PPP1R9A: variants seen among roughly 807,000 people sequenced by gnomAD.
The protein encoded by PPP1R9A is protein phosphatase 1 regulatory subunit 9A.
In PPP1R9A, 59 loss-of-function variants were observed where a neutral mutation model predicts 141.9. The ratio of observed to expected loss-of-function variants is 0.42; its 90% confidence interval spans 0.34 to 0.52. The LOEUF (loss-of-function observed/expected upper bound fraction) is 0.52. Among genes scored for constraint, PPP1R9A ranks in the 20% least tolerant of loss-of-function variants. The probability of loss-of-function intolerance (pLI) is 0.10; values close to 1 mark genes in which losing one functional copy is unlikely to be tolerated. For missense variants in PPP1R9A, 1,444 were observed against 1,611.9 expected (o/e 0.90, Z 1.78); for synonymous variants, 500 against 569.7 (o/e 0.88, Z 1.74).
At position 95,146,034 on chromosome 7, in the gene PPP1R9A, C is replaced by T. The variant is rs145017219; in HGVS notation, c.1650-15833C>T. On this transcript the variant is annotated intron_variant, in intron 4 of 19. Coordinates refer to ENST00000433360, the MANE Select transcript of PPP1R9A (RefSeq NM_001166160.2). ...ATACCAAGTAATGGGATTGCTAGGT[C>T]AAATGGCATTTCTAGTTCTAGATCC... Among the ~76,000 whole-genome samples the T allele has an allele frequency of 1.7e-3, 254 of 152,276 alleles. 10 individuals carry two copies. The East Asian group carries it at 0.046, about 27-fold the overall frequency.
At chr7:95,240,295 A>G (rs1797263409) in intron 8 of PPP1R9A, among the ~76,000 whole-genome samples, 1 of 152,038 alleles carries the variant, frequency 6.6e-6, no homozygotes, top group Non-Finnish European at 1.5e-5. Flanking sequence ...CTTTAGCACA[A>G]TTTATTGAAG....
At chr7:95,167,164 A>G (rs536608760) in intron 5 of PPP1R9A, among the ~76,000 whole-genome samples, 7 of 152,270 alleles carry the variant, frequency 4.6e-5, no homozygotes, top group Admixed American at 2.6e-4. Context: ...CACATCTTAC[A>G]TCTTACATGG....
At chr7:95,121,284 A>G (rs1822516846) in intron 4 of PPP1R9A, among the ~76,000 whole-genome samples, 1 of 152,174 alleles carries the variant, frequency 6.6e-6, no homozygotes, top group Non-Finnish European at 1.5e-5. Flanking sequence ...CTCCAAATAT[A>G]TTTATGTAAA....
intron 4 of PPP1R9A, among the ~76,000 whole-genome samples, chr7:95,149,506 G>A (rs894988512): frequency 2.6e-5 from 4 of 151,968 alleles, no homozygotes; most frequent in South Asian, 2.1e-4. Context: ...TCTGAAAATT[G>A]ATAAGCAATT....
At chr7:95,173,128 AG>A (rs1454042913) in intron 5 of PPP1R9A, among the ~76,000 whole-genome samples, 2 of 151,984 alleles carry the variant, frequency 1.3e-5, no homozygotes, top group African/African-American at 2.4e-5. Context: ...TCTAGAAAAC[AG>A]GCAAAAATCT....
chr7:94,944,789 G>T (rs1033909857), intron 2 of PPP1R9A, among the ~76,000 whole-genome samples: 1 of 151,986 alleles, frequency 6.6e-6, no homozygotes, highest in African/African-American at 2.4e-5. Flanking sequence ...GAGAGATACT[G>T]TAGAATTTTA....
chr7:94,929,950 AT>A (rs919210750), intron 2 of PPP1R9A, among the ~76,000 whole-genome samples: 4 of 152,142 alleles, frequency 2.6e-5, no homozygotes, highest in African/African-American at 9.7e-5. Context: ...TTATCCATGT[AT>A]TTTTCCTACT....
intron 5 of PPP1R9A, among the ~76,000 whole-genome samples, chr7:95,180,701 A>T (rs1318327078): frequency 6.6e-6 from 1 of 152,138 alleles, no homozygotes; most frequent in African/African-American, 2.4e-5. Context: ...CCCATCAAAA[A>T]GTGGGCTAAG....
At chr7:94,922,096 TATA>T (rs992101475) in intron 2 of PPP1R9A, among the ~76,000 whole-genome samples, 2 of 149,142 alleles carry the variant, frequency 1.3e-5, no homozygotes, top group Non-Finnish European at 3.0e-5. Flanking sequence ...TTTATTAATT[TATA>T]ATATTATTTA....
chr7:95,151,358 G>C (rs1828634984), intron 4 of PPP1R9A, among the ~76,000 whole-genome samples: 2 of 152,172 alleles, frequency 1.3e-5, no homozygotes, highest in Admixed American at 1.3e-4. Context: ...AATGAAGGAA[G>C]CTAATGTGAA....
chr7:94,924,681 AC>A (rs1793246722), intron 2 of PPP1R9A, among the ~76,000 whole-genome samples: 1 of 151,976 alleles, frequency 6.6e-6, no homozygotes, highest in Non-Finnish European at 1.5e-5. Flanking sequence ...GGCACGCACC[AC>A]CATGCCTGGC....
rs953536879 is a variant in PPP1R9A, at chr7:95,296,047, G to C, written c.*5744G>C. ...TTCTTTGTATATCAGTAAAGAACAC[G>C]AATTGTTTGAAAATAATTTTAAGTC... On this transcript the variant is annotated 3_prime_UTR_variant, in exon 20 of 20. Coordinates refer to ENST00000433360, the MANE Select transcript of PPP1R9A (RefSeq NM_001166160.2). The C allele has an allele frequency of 2.6e-4, 39 of 152,542 alleles. No homozygotes were observed. Among genetic ancestry groups the C allele is most frequent in the African/African-American group, 8.2e-4 (34 of 41,418 alleles). The allele number at this position is 152,542 out of a possible 1,614,324, so 9.4% of individuals were successfully genotyped here.
chr7:95,182,543 A>C (rs951541447), intron 5 of PPP1R9A, among the ~76,000 whole-genome samples: 2 of 152,176 alleles, frequency 1.3e-5, no homozygotes, highest in East Asian at 3.9e-4. Flanking sequence ...TTTTGTTGCC[A>C]CTATAGTACA....
At chr7:95,096,478 C>G (rs1190606315) in intron 2 of PPP1R9A, among the ~76,000 whole-genome samples, 2 of 152,174 alleles carry the variant, frequency 1.3e-5, no homozygotes, top group African/African-American at 2.4e-5. Context: ...TCTTAGTATT[C>G]TGAGAGGGCC....
At chr7:95,118,800 G>A (rs1376506580) in intron 3 of PPP1R9A, among the ~76,000 whole-genome samples, 1 of 135,940 alleles carries the variant, frequency 7.4e-6, no homozygotes, top group Non-Finnish European at 1.6e-5. Flanking sequence ...GTGAAACCCT[G>A]TCTGTACAAA....
chr7:95,133,664 T>A (rs1001127417), intron 4 of PPP1R9A, among the ~76,000 whole-genome samples: 1 of 151,894 alleles, frequency 6.6e-6, no homozygotes, highest in Non-Finnish European at 1.5e-5. Flanking sequence ...CAGAAGACCA[T>A]GTCCAGGTGC....
chr7:95,072,824 T>A (rs1203238124), intron 2 of PPP1R9A, among the ~76,000 whole-genome samples: 1 of 37,276 alleles, frequency 2.7e-5, no homozygotes, highest in African/African-American at 9.8e-5. Flanking sequence ...TAATAATTAT[T>A]ATATATATAA....
intron 7 of PPP1R9A, among the ~76,000 whole-genome samples, chr7:95,209,765 C>T (rs561359674): frequency 2.6e-5 from 4 of 152,166 alleles, no homozygotes; most frequent in African/African-American, 4.8e-5. Flanking sequence ...TGCAATTACA[C>T]GAATCAATTT....
chr7:95,075,121 T>C (rs1435816580), intron 2 of PPP1R9A, among the ~76,000 whole-genome samples: 1 of 152,206 alleles, frequency 6.6e-6, no homozygotes, highest in South Asian at 2.1e-4. Context: ...AATAATTTTC[T>C]CTGTTTATTA....
Sources: gnomAD v4.1 joint callset for allele counts (sites outside exome capture counted in the v4.1 genomes callset) on GRCh38, gnomAD v4.1.1 for gene constraint, MANE v1.5 for transcripts, NCBI Gene and HGNC (gene_info 2026-07-23, HGNC 2026-07-21) for gene names.